The following SCGN variants were observed in gnomAD, a reference collection of about 807,000 sequenced individuals.
SCGN encodes the protein secretagogin.
A neutral mutation model predicts 39.7 loss-of-function variants in SCGN; 30 were observed. The observed-to-expected ratio is 0.76, with a 90% CI of 0.57 to 1.03. The LOEUF is 1.03. SCGN is among the 50% of genes least tolerant of loss of function. The pLI is 0.00. For missense variants in SCGN, 353 were observed against 349.4 expected (o/e 1.01, Z -0.08); for synonymous variants, 106 against 114.1 (o/e 0.93, Z 0.45).
chr6:25,661,954 T>C (rs947601997), intron 3 of SCGN, among the ~76,000 whole-genome samples: 1 of 152,200 alleles, frequency 6.6e-6, no homozygotes, highest in East Asian at 1.9e-4. Flanking sequence ...TGATCTACTA[T>C]TTGTCTCTTT....
chr6:25,696,799 G>A (rs1759843618), intron 10 of SCGN, among the ~76,000 whole-genome samples: 5 of 152,192 alleles, frequency 3.3e-5, no homozygotes, highest in South Asian at 2.1e-4. Context: ...TGTCTATCAC[G>A]GAAGATAGCA....
At chr6:25,701,141 A>G in intron 10 of SCGN, 66 bp from the exon 11 acceptor site, 1 of 1,535,468 alleles carries the variant, frequency 6.5e-7, no homozygotes. Flanking sequence ...GGAGCATCAG[A>G]GAGGGTGTTA....
At chr6:25,682,678 T>C (rs1759652886) in intron 7 of SCGN, among the ~76,000 whole-genome samples, 1 of 152,210 alleles carries the variant, frequency 6.6e-6, no homozygotes, top group Non-Finnish European at 1.5e-5. Flanking sequence ...ATACCTGTTA[T>C]TGGGGAGCAT....
At position 25,652,281 on chromosome 6, in the gene SCGN, T is replaced by C; in HGVS notation, c.-123T>C. ...GCGCTCGCGTCCTCCCCAGCAACAG[T>C]TACTCAAAGCTAATCAGATAGCGAA... On this transcript the variant is annotated 5_prime_UTR_variant, in exon 1 of 11. Transcript: ENST00000377961. The C allele has an allele frequency of 1.3e-6, 1 of 774,228 alleles. No individual in the cohort carries two copies. Among genetic ancestry groups the C allele is most frequent in the African/African-American group, 1.7e-5 (1 of 58,122 alleles). 48.0% of individuals were successfully genotyped at this position (774,228 alleles called of 1,614,324 possible).
intron 4 of SCGN, among the ~76,000 whole-genome samples, chr6:25,666,854 A>G (rs1349557329): frequency 6.6e-6 from 1 of 152,162 alleles, no homozygotes; most frequent in African/African-American, 2.4e-5. Context: ...GTACTTTTGT[A>G]TTTTCCAATT....
chr6:25,699,263 A>G (rs1178003354), intron 10 of SCGN, among the ~76,000 whole-genome samples: 2 of 152,134 alleles, frequency 1.3e-5, no homozygotes, highest in Non-Finnish European at 2.9e-5. Context: ...TCTGAAAAGG[A>G]ATTTGGTGGA....
intron 6 of SCGN, among the ~76,000 whole-genome samples, chr6:25,672,714 A>T (rs1477823122): frequency 6.6e-6 from 1 of 152,156 alleles, no homozygotes; most frequent in African/African-American, 2.4e-5. Context: ...GAGGGCTATG[A>T]TGCAGAGGAT....
chr6:25,670,054 T>C lies in SCGN; in HGVS notation c.449T>C (p.Leu150Pro). The C allele has an allele frequency of 6.2e-7, 1 of 1,613,104 alleles. No individual in the cohort carries two copies. Among genetic ancestry groups the C allele is most frequent in the Non-Finnish European group, 8.5e-7 (1 of 1,179,206 alleles). ...HHKKAISEAK[L>P]EEYTGTMMKI... is the part of the protein sequence containing the mutation. ...AAAAAGGCCATTTCTGAGGCTAAAC[T>C]GGAAGAATACACTGGCACCATGGTA... Residue 150 changes from leucine to proline, a missense_variant, in exon 6 of 11, where the codon CTG becomes CCG. Physicochemically the swap from Leu to Pro is moderately conservative, Grantham distance 98 (BLOSUM62 -3). Transcript: ENST00000377961.
At chr6:25,679,572 C>A (rs1759609421) in intron 6 of SCGN, among the ~76,000 whole-genome samples, 1 of 152,154 alleles carries the variant, frequency 6.6e-6, no homozygotes, top group Admixed American at 6.5e-5. Flanking sequence ...AGGCTGTGAC[C>A]AACCTGCCAC....
intron 6 of SCGN, among the ~76,000 whole-genome samples, chr6:25,681,657 T>C (rs1296213297): frequency 6.6e-6 from 1 of 152,218 alleles, no homozygotes; most frequent in African/African-American, 2.4e-5. Context: ...TGTCACTCCA[T>C]GTCGCCAGAG....
chr6:25,653,332 A>T (rs1171183549), intron 1 of SCGN, 50 bp from the exon 2 acceptor site: 11 of 1,175,532 alleles, frequency 9.4e-6, no homozygotes, highest in Non-Finnish European at 1.4e-5. Flanking sequence ...AAATACTGTC[A>T]TGTGTTTTTT....
At position 25,652,352 on chromosome 6, in the gene SCGN, C is replaced by G; in HGVS notation, c.-52C>G. On this transcript the variant is annotated 5_prime_UTR_variant, in exon 1 of 11. Coordinates refer to ENST00000377961, the MANE Select transcript of SCGN (RefSeq NM_006998.4). ...AGAAATACGGTGAAGGAGTCCTTCC[C>G]AAAGTTGTCTAGGTCCTTCCGCGCC... 1.4e-6 allele frequency: 2 copies of G among 1,463,394 alleles called. No individual in the cohort carries two copies. Among genetic ancestry groups the G allele is most frequent in the Non-Finnish European group, 1.9e-6 (2 of 1,043,552 alleles). 90.7% of individuals were successfully genotyped at this position (1,463,394 alleles called of 1,614,324 possible).
intron 10 of SCGN, 99 bp downstream of exon 10, chr6:25,691,223 G>A (rs1759770260): frequency 1.1e-6 from 1 of 900,720 alleles, no homozygotes; most frequent in South Asian, 1.6e-5. Flanking sequence ...TAATGTCAAA[G>A]ATAAAATCTA....
chr6:25,685,137 C>A (rs898288130), intron 7 of SCGN, among the ~76,000 whole-genome samples: 1 of 152,184 alleles, frequency 6.6e-6, no homozygotes, highest in Non-Finnish European at 1.5e-5. Context: ...TCCCCGAGAA[C>A]CTCCAGAAGG....
chr6:25,661,197 AT>A (rs767860396), intron 2 of SCGN, among the ~76,000 whole-genome samples: 16 of 152,246 alleles, frequency 1.1e-4, no homozygotes, highest in Non-Finnish European at 1.8e-4. Flanking sequence ...TCTCTGAGTT[AT>A]TGGGAAGAAA....
chr6:25,671,502 A>G (rs1188002732), intron 6 of SCGN, among the ~76,000 whole-genome samples: 3 of 152,220 alleles, frequency 2.0e-5, no homozygotes, highest in African/African-American at 7.2e-5. Flanking sequence ...GACAGGAGAA[A>G]ACAAATGCCA....
chr6:25,692,690 G>T (rs567772287), intron 10 of SCGN, among the ~76,000 whole-genome samples: 35 of 152,342 alleles, frequency 2.3e-4, no homozygotes, highest in Middle Eastern at 3.4e-3. Flanking sequence ...TCTTCGCCAG[G>T]CTGTGGGAGG....
chr6:25,665,111 C>T, intron 4 of SCGN, 79 bp downstream of exon 4: 1 of 1,059,074 alleles, frequency 9.4e-7, no homozygotes, highest in East Asian at 2.4e-5. Context: ...GTGGCTGCCA[C>T]CACTCCTGCC....
chr6:25,658,384 T>A, intron 2 of SCGN, among the ~76,000 whole-genome samples: 1 of 152,036 alleles, frequency 6.6e-6, no homozygotes, highest in East Asian at 1.9e-4. Flanking sequence ...GTTCCCCATT[T>A]ATAATCACCA....
Sources: allele counts gnomAD v4.1 joint callset (sites outside exome capture counted in the v4.1 genomes callset), GRCh38; gene constraint gnomAD v4.1.1; transcripts MANE v1.5; gene names NCBI Gene and HGNC (gene_info 2026-07-23, HGNC 2026-07-21).